RBM42: variants seen among roughly 807,000 people sequenced by gnomAD.
The protein encoded by RBM42 is RNA binding motif protein 42.
In RBM42, 21 loss-of-function variants were observed where a neutral mutation model predicts 41.4. The observed-to-expected ratio is 0.51, with a 90% CI of 0.36 to 0.73. RBM42 has a LOEUF of 0.73. Among genes scored for constraint, RBM42 ranks in the 30% least tolerant of loss-of-function variants. The probability of loss-of-function intolerance (pLI) is 0.00; values close to 1 mark genes in which losing one functional copy is unlikely to be tolerated. For missense variants in RBM42, 539 were observed against 680.4 expected, an observed-to-expected ratio of 0.79 and a Z score of 2.31; for synonymous variants, 272 against 271.2, an observed-to-expected ratio of 1.00 and a Z score of -0.03.
chr19:35,629,806 T>TG, intron 2 of RBM42, 133 bp downstream of exon 2: 1 of 917,688 alleles, frequency 1.1e-6, no homozygotes. Flanking sequence ...TGCCAGGCAC[T>TG]GAGAACACAG....
chr19:35,634,048 C>T, intron 7 of RBM42, 29 bp downstream of exon 7: 1 of 1,471,280 alleles, frequency 6.8e-7, no homozygotes, highest in Non-Finnish European at 9.0e-7. Context: ...GGTGAAGGGA[C>T]AGAAGGGACG....
Position 35,633,170 on chromosome 19 carries a change from CT to C in RBM42, c.603del (p.Gly202AspfsTer4). The C allele has an allele frequency of 1.2e-6, 2 of 1,611,248 alleles. No homozygotes were observed. Among genetic ancestry groups the C allele is most frequent in the South Asian group, 1.1e-5 (1 of 90,952 alleles). ...ALVGPPLPGP[P>X]GPPMMLPPMA... ...GTGGGCCCCCCTCTGCCTGGGCCCC[CT>C]GGACCACCCATGATGCTGCCACCAA... On this transcript the variant is annotated frameshift_variant, in exon 6 of 10. Transcript: ENST00000262633. LOFTEE classifies it high-confidence loss of function.
Position 35,633,954 on chromosome 19 carries a change from C to T in RBM42, c.952C>T (p.Leu318=). ...LLPPLRIPEL[L]SLRPRPRPPR... ...GCCCCCGCTGCGCATTCCTGAACTCCTGTCCCTGCGTCCTCGGCCCCGGCC... is the reference window on the plus strand; with the variant it reads ...GCCCCCGCTGCGCATTCCTGAACTCTTGTCCCTGCGTCCTCGGCCCCGGCC... The change falls in exon 7 of 10, where the codon CTG becomes TTG. Residue 318 remains leucine, a synonymous_variant. Transcript: ENST00000262633. The T allele has an allele frequency of 6.4e-7, 1 of 1,567,964 alleles. No homozygotes were observed. Among genetic ancestry groups the T allele is most frequent in the Non-Finnish European group, 8.6e-7 (1 of 1,162,510 alleles).
chr19:35,636,232 C>T (rs1967497297), intron 8 of RBM42, among the ~76,000 whole-genome samples: 1 of 151,116 alleles, frequency 6.6e-6, no homozygotes, highest in Admixed American at 6.6e-5. Context: ...AATCTTGGCT[C>T]ACTGCAGCCT....
chr19:35,630,111 C>T lies in RBM42; in HGVS notation c.282+438C>T, dbSNP rs139345916. ...CGGGCAGATCACGAGGTCAAGAGAT[C>T]GAGTCCATCCTGGCCAACATGGTGA... On this transcript the variant is annotated intron_variant, in intron 2 of 9. Coordinates refer to ENST00000262633, the MANE Select transcript of RBM42 (RefSeq NM_024321.5). Among the ~76,000 whole-genome samples the T allele has an allele frequency of 2.6e-3, 391 of 152,004 alleles. 2 individuals are homozygous for T. The highest frequency in any genetic ancestry group is 8.2e-3 in the African/African-American group (339 of 41,454).
chr19:35,633,380 CTT>C (rs1187565890), intron 6 of RBM42, 128 bp downstream of exon 6: 1 of 802,606 alleles, frequency 1.2e-6, no homozygotes, highest in Admixed American at 2.5e-5. Flanking sequence ...CTCACTCTGC[CTT>C]TGTCTCTGTC....
At chr19:35,634,500 G>A in intron 8 of RBM42, 127 bp downstream of exon 8, 1 of 641,356 alleles carries the variant, frequency 1.6e-6, no homozygotes, top group Non-Finnish European at 2.7e-6. Flanking sequence ...CCCACCTTGG[G>A]GAGGGGAGGC....
intron 4 of RBM42, chr19:35,631,610 T>C: frequency 1.7e-6 from 1 of 597,268 alleles, no homozygotes; most frequent in Admixed American, 3.0e-5. Flanking sequence ...ACCCTCCTGC[T>C]GTCAGTCCTA....
intron 8 of RBM42, among the ~76,000 whole-genome samples, chr19:35,636,227 T>C (rs1484404764): frequency 6.6e-6 from 1 of 151,872 alleles, no homozygotes; most frequent in African/African-American, 2.4e-5. Flanking sequence ...GGTGTAATCT[T>C]GGCTCACTGC....
chr19:35,629,985 T>C (rs1967376621), intron 2 of RBM42, among the ~76,000 whole-genome samples: 1 of 152,196 alleles, frequency 6.6e-6, no homozygotes, highest in Non-Finnish European at 1.5e-5. Flanking sequence ...CAACTATATA[T>C]GACTAGTAGA....
intron 8 of RBM42, among the ~76,000 whole-genome samples, chr19:35,635,970 G>A (rs1266760141): frequency 6.6e-6 from 1 of 152,078 alleles, no homozygotes; most frequent in Non-Finnish European, 1.5e-5. Flanking sequence ...TGTGCTTAGA[G>A]TGTCCCATAT....
intron 4 of RBM42, among the ~76,000 whole-genome samples, chr19:35,632,537 CT>C: frequency 6.6e-6 from 1 of 152,220 alleles, no homozygotes. Context: ...TCCAGGAAGC[CT>C]TCCCTGGGCC....
In RBM42 at chr19:35,633,764, G is replaced by A. The variant is rs201377946; in HGVS notation, c.762G>A (p.Ala254=). The A allele has an allele frequency of 6.8e-5, 101 of 1,495,052 alleles. No homozygotes were observed. Among genetic ancestry groups the A allele is most frequent in the Middle Eastern group, 1.8e-4 (1 of 5,590 alleles). 92.6% of individuals were successfully genotyped at this position (1,495,052 alleles called of 1,614,324 possible). The change falls in exon 7 of 10, where the codon GCG becomes GCA. Residue 254 remains alanine (A), a synonymous_variant. Coordinates refer to ENST00000262633, the MANE Select transcript of RBM42 (RefSeq NM_024321.5). ...GLKEKEEAVV[A]AAAGLEEASA... Reference sequence around the variant, plus strand: ...AAGAGAAGGAAGAGGCAGTGGTGGCGGCGGCGGCTGGGCTGGAGGAGGCTA... The same window carrying A: ...AAGAGAAGGAAGAGGCAGTGGTGGCAGCGGCGGCTGGGCTGGAGGAGGCTA...
In RBM42 at chr19:35,629,299, G is replaced by C; in HGVS notation, c.128+18G>C. 6.6e-7 allele frequency: 1 copy of C among 1,512,266 alleles called. No homozygotes were observed. The highest frequency in any genetic ancestry group is 8.8e-7 in the Non-Finnish European group (1 of 1,132,608). 93.7% of individuals were successfully genotyped at this position (1,512,266 alleles called of 1,614,324 possible). A position where few individuals can be genotyped will look rare whatever the true frequency, so the allele number is the denominator to read the frequency against. On this transcript the variant is annotated intron_variant, in intron 1 of 9. Transcript: ENST00000262633. ...ATGGCCCTGTAAGGCCCGCGACAGA[G>C]AGTGATAAAAGTCGTCCCAGAGCCA...
In RBM42 at chr19:35,637,622, ACC is replaced by A; in HGVS notation, c.*72_*73del. Reference sequence around the variant, plus strand: ...CTCCTCCCTCAGTTCTCTTTGGAAAACCCCCAGCTGTCCACCCATCCCCTGCC... The same window carrying A: ...CTCCTCCCTCAGTTCTCTTTGGAAAACCCAGCTGTCCACCCATCCCCTGCC... On this transcript the variant is annotated 3_prime_UTR_variant, in exon 10 of 10. Transcript: ENST00000262633. The surrounding 1 kb of genome is among the most constrained non-coding windows in gnomAD (Gnocchi z 7.0). 8.0e-7 allele frequency: 1 copy of A among 1,242,418 alleles called. No homozygotes were observed. Among genetic ancestry groups the A allele is most frequent in the Non-Finnish European group, 1.1e-6 (1 of 871,276 alleles). The allele number at this position is 1,242,418 out of a possible 1,614,324, so 77.0% of individuals were successfully genotyped here. A position where few individuals can be genotyped will look rare whatever the true frequency, so the allele number is the denominator to read the frequency against.
chr19:35,629,772 A>G (rs1214048537), intron 2 of RBM42, 99 bp downstream of exon 2: 4 of 1,262,504 alleles, frequency 3.2e-6, no homozygotes, highest in Non-Finnish European at 4.4e-6. Context: ...CTTGTTGACT[A>G]ATTAGCATGA....
In RBM42 at chr19:35,629,520, G is replaced by A. The variant is rs1467139760; in HGVS notation, c.129G>A (p.Leu43=). The A allele has an allele frequency of 1.2e-6, 2 of 1,614,186 alleles. No homozygotes were observed. The highest frequency in any genetic ancestry group is 1.7e-6 in the Non-Finnish European group (2 of 1,180,032). Residue 43 remains leucine (L), a splice_region_variant and synonymous_variant, in exon 2 of 10, where the codon CTG becomes CTA. Transcript: ENST00000262633. ...RLKEMEAEMA[L]FEQEVLGAPV... Reference sequence around the variant, plus strand: ...GCTGATGTCTGTTCTACTCCTCCAGGTTTGAGCAGGAAGTTCTGGGGGCTC... The same window carrying A: ...GCTGATGTCTGTTCTACTCCTCCAGATTTGAGCAGGAAGTTCTGGGGGCTC...
intron 4 of RBM42, 89 bp from the exon 5 acceptor site, chr19:35,632,847 G>A: frequency 1.4e-6 from 1 of 720,824 alleles, no homozygotes; most frequent in Non-Finnish European, 2.5e-6. Flanking sequence ...GATGCTGAGA[G>A]TGCACACACA....
chr19:35,632,052 T>C (rs967673073), intron 4 of RBM42: 1 of 153,148 alleles, frequency 6.5e-6, no homozygotes. Context: ...ATTACTTCCT[T>C]ATATGTATGA....
Sources: gnomAD v4.1 joint callset for allele counts (sites outside exome capture counted in the v4.1 genomes callset) on GRCh38, gnomAD v4.1.1 for gene constraint, Gnocchi (gnomAD v3.1) non-coding constraint, MANE v1.5 for transcripts, NCBI Gene and HGNC (gene_info 2026-07-23, HGNC 2026-07-21) for gene names.